Variants in LRRC9 observed in about 807,000 individuals in gnomAD.
LRRC9 encodes leucine-rich repeat-containing protein 9.
A neutral mutation model predicts 63.2 loss-of-function variants in LRRC9; 122 were observed. The observed-to-expected ratio is 1.93, with a 90% confidence interval of 1.67 to 2.24. LRRC9 has a LOEUF of 2.24. Ranked by LOEUF, LRRC9 falls within the 30% of genes most tolerant of loss-of-function variation. The pLI, the probability that LRRC9 is intolerant of heterozygous loss-of-function variation, is 0.00. For missense variants in LRRC9, 1,071 were observed against 627.7 expected, an observed-to-expected ratio of 1.71 and a Z score of -7.55; for synonymous variants, 366 against 213.1, an observed-to-expected ratio of 1.72 and a Z score of -6.25.
rs1348145247 is a variant in LRRC9 at position 60,005,351 on chromosome 14, T to C, written c.2843-1046T>C. Among the ~76,000 whole-genome samples, 3 of 152,074 alleles carry C rather than the reference T, an allele frequency of 2.0e-5. No individual in the cohort carries two copies. In the East Asian group the frequency reaches 5.8e-4, roughly 29 times the overall value. ...CCATTCCCATACAACTGGATATTAGTTTTGCTTTGTACATACAATTAAAAA... is the reference window on the plus strand; with the variant it reads ...CCATTCCCATACAACTGGATATTAGCTTTGCTTTGTACATACAATTAAAAA... On this transcript the variant is annotated intron_variant, in intron 21 of 31. Coordinates refer to ENST00000445360, the Ensembl canonical transcript of LRRC9.
chr14:59,961,253 C>T (rs898482871), intron 10 of LRRC9, among the ~76,000 whole-genome samples: 8 of 152,120 alleles, frequency 5.3e-5, no homozygotes, highest in Non-Finnish European at 7.4e-5. Context: ...ATGCCATTAC[C>T]GTGAGCCAAC....
Position 60,058,144 on chromosome 14 carries a change from G to A in LRRC9, c.4276+122G>A. On this transcript the variant is annotated intron_variant, in intron 31 of 31. Coordinates refer to ENST00000445360, the Ensembl canonical transcript of LRRC9. The surrounding 1 kb of genome is among the most constrained non-coding windows in gnomAD (Gnocchi z 4.4). ...TAACTTACATTTCCTAAAATTGCAT[G>A]TTTGCTCAAGTTTCCTATGGCCATT... 1 of 457,532 alleles carries A rather than the reference G, an allele frequency of 2.2e-6. No homozygotes were observed. The highest frequency in any genetic ancestry group is 3.9e-6 in the Non-Finnish European group (1 of 253,514). 28.3% of individuals were successfully genotyped at this position (457,532 alleles called of 1,614,324 possible). A position where few individuals can be genotyped will look rare whatever the true frequency, so the allele number is the denominator to read the frequency against.
At position 60,058,042 on chromosome 14, in the gene LRRC9, T is replaced by A. The variant is rs755076507; in HGVS notation, c.4276+20T>A. 2 of 577,032 alleles carry A rather than the reference T, an allele frequency of 3.5e-6. No homozygotes were observed. The highest frequency in any genetic ancestry group is 6.5e-6 in the Non-Finnish European group (2 of 305,578). 35.7% of individuals were successfully genotyped at this position (577,032 alleles called of 1,614,324 possible). On this transcript the variant is annotated intron_variant, in intron 31 of 31. Transcript: ENST00000445360. The surrounding 1 kb of genome is among the most constrained non-coding windows in gnomAD (Gnocchi z 4.4). The stretch of plus-strand genomic sequence containing the variant: ...TTGAAGGTATTTTGACAATTTCAGA[T>A]AGAATGTAAAAGAATCACTTAATTT...
chr14:59,997,107 T>C (rs898762753), intron 17 of LRRC9, among the ~76,000 whole-genome samples: 2 of 152,084 alleles, frequency 1.3e-5, no homozygotes, highest in Non-Finnish European at 2.9e-5. Flanking sequence ...TTCTGAGCAA[T>C]AGGATTATAT....
At chr14:60,036,032 A>G (rs952423870) in intron 29 of LRRC9, among the ~76,000 whole-genome samples, 4 of 152,064 alleles carry the variant, frequency 2.6e-5, no homozygotes, top group Non-Finnish European at 2.9e-5. Context: ...TGGCTTGCAG[A>G]TAGTTGTCTT....
Position 59,999,111 on chromosome 14 carries a change from T to C in LRRC9, c.2414T>C (p.Leu805Ser), listed in dbSNP as rs1184794590. 7.4e-6 allele frequency: 5 copies of C among 679,750 alleles called. No homozygotes were observed. The East Asian group carries it at 1.4e-4, about 18-fold the overall frequency. The allele number at this position is 679,750 out of a possible 1,614,324, so 42.1% of individuals were successfully genotyped here. Residue 805 changes from leucine to serine, a missense_variant, in exon 19 of 32, where the codon TTG (leucine) becomes TCG (serine). Coordinates refer to ENST00000445360, the Ensembl canonical transcript of LRRC9. ...TTTGTTTTTCCCAAGCCAGCCACAT[T>C]GAGGCTGAGTGTTATTGGCAGATTA...
intron 12 of LRRC9, among the ~76,000 whole-genome samples, chr14:59,973,167 A>G (rs1885719424): frequency 6.6e-6 from 1 of 152,068 alleles, no homozygotes; most frequent in South Asian, 2.1e-4. Context: ...ATTATGTCCA[A>G]TCTTCAAAGC....
At position 60,007,443 on chromosome 14, in the gene LRRC9, C is replaced by A. The variant is rs75132721; in HGVS notation, c.3064-649C>A. 5.7e-3 allele frequency among the ~76,000 whole-genome samples: 863 copies of A among 152,324 alleles called. 11 individuals carry two copies. The highest frequency in any genetic ancestry group is 0.02 in the African/African-American group (843 of 41,572). On this transcript the variant is annotated intron_variant, in intron 22 of 31. Coordinates refer to ENST00000445360, the Ensembl canonical transcript of LRRC9. ...CCCTTCCTTCACAACAAAGGCATAT[C>A]AAAGTGTCTTGTCTAATAAAACAGC...
Position 59,929,818 on chromosome 14 carries a change from C to T in LRRC9, c.268-1100C>T, listed in dbSNP as rs557295280. ...AGGCCATTGTCCTTAGCAAACTAACCCAGGAACAGAAAAGCAAATACCACC... is the reference window on the plus strand; with the variant it reads ...AGGCCATTGTCCTTAGCAAACTAACTCAGGAACAGAAAAGCAAATACCACC... On this transcript the variant is annotated intron_variant, in intron 3 of 31. Coordinates refer to ENST00000445360, the Ensembl canonical transcript of LRRC9. Among the ~76,000 whole-genome samples, 10 of 151,954 alleles carry T rather than the reference C, an allele frequency of 6.6e-5. No individual in the cohort carries two copies. The South Asian group carries it at 2.1e-3, about 32-fold the overall frequency.
chr14:60,038,448 G>A (rs1243355365), intron 29 of LRRC9, among the ~76,000 whole-genome samples: 1 of 152,156 alleles, frequency 6.6e-6, no homozygotes, highest in Non-Finnish European at 1.5e-5. Context: ...TCTTTTAGCA[G>A]TGGTTTGTAG....
chr14:60,057,791 G>A, intron 30 of LRRC9, 87 bp from the exon 31 acceptor site: 1 of 456,022 alleles, frequency 2.2e-6, no homozygotes, highest in South Asian at 5.4e-5. Flanking sequence ...AATGTTGATT[G>A]TCTACTCAGA....
At chr14:59,945,208 C>A (rs1396326785) in intron 8 of LRRC9, among the ~76,000 whole-genome samples, 1 of 150,322 alleles carries the variant, frequency 6.7e-6, no homozygotes, top group Non-Finnish European at 1.5e-5. Context: ...AACTTTAAAT[C>A]AAGCTATATG....
Position 60,057,985 on chromosome 14 carries a change from C to A in LRRC9, c.4239C>A (p.Tyr1413Ter). The change falls in exon 31 of 32, where the codon TAC becomes TAA. Residue 1413 changes from tyrosine to a stop codon, truncating the protein, a stop_gained. Coordinates refer to ENST00000445360, the Ensembl canonical transcript of LRRC9. LOFTEE classifies it high-confidence loss of function. ...TTCTGCCTAGTGGATTCAGCCATTA[C>A]TTGGGATCTGACGTCACTTTAACTC... is the stretch of plus-strand genomic sequence containing the variant. 1.5e-6 allele frequency: 1 copy of A among 669,312 alleles called. No homozygotes were observed. 41.5% of individuals were successfully genotyped at this position (669,312 alleles called of 1,614,324 possible).
intron 12 of LRRC9, among the ~76,000 whole-genome samples, chr14:59,974,254 T>G (rs896120687): frequency 6.6e-5 from 10 of 152,108 alleles, no homozygotes; most frequent in African/African-American, 2.4e-4. Context: ...TTTTTGGAGT[T>G]AGCAAGATTA....
intron 12 of LRRC9, among the ~76,000 whole-genome samples, chr14:59,970,533 T>G (rs1885369008): frequency 6.6e-6 from 1 of 152,198 alleles, no homozygotes; most frequent in Admixed American, 6.5e-5. Context: ...GTTGAACCAA[T>G]TTACACTTCC....
In LRRC9 at chr14:59,978,203, T is replaced by C. The variant is rs145459791; in HGVS notation, c.1878+71T>C. 123 of 675,932 alleles carry C rather than the reference T, an allele frequency of 1.8e-4. No homozygotes were observed. In the Admixed American group the frequency reaches 2.5e-3, roughly 14 times the overall value. The allele number at this position is 675,932 out of a possible 1,614,324, so 41.9% of individuals were successfully genotyped here. A position where few individuals can be genotyped will look rare whatever the true frequency, so the allele number is the denominator to read the frequency against. ...ATGGGAACAAAGTAGTAATTTGAAG[T>C]CGAATAATGCTATGTCAAGTTTATA... is the stretch of plus-strand genomic sequence containing the variant. On this transcript the variant is annotated intron_variant, in intron 15 of 31. Coordinates refer to ENST00000445360, the Ensembl canonical transcript of LRRC9.
At chr14:60,055,682 C>T (rs577490480) in intron 30 of LRRC9, among the ~76,000 whole-genome samples, 112 of 150,830 alleles carry the variant, frequency 7.4e-4, no homozygotes, top group Non-Finnish European at 1.1e-3. Context: ...CACTTGAGCC[C>T]ACGAGTTGGA....
At chr14:60,026,830 A>G (rs995447517) in intron 27 of LRRC9, among the ~76,000 whole-genome samples, 2 of 151,950 alleles carry the variant, frequency 1.3e-5, no homozygotes, top group East Asian at 3.9e-4. Flanking sequence ...TTTATTTCTG[A>G]GTTCTCTATT....
chr14:60,059,304 A>G (rs750435340), intron 31 of LRRC9, among the ~76,000 whole-genome samples: 3 of 152,110 alleles, frequency 2.0e-5, no homozygotes, highest in Non-Finnish European at 2.9e-5. Flanking sequence ...CTTTTTCATT[A>G]TTATTATATT....
Sources: gnomAD v4.1 joint callset for allele counts (sites outside exome capture counted in the v4.1 genomes callset) on GRCh38, gnomAD v4.1.1 for gene constraint, Gnocchi (gnomAD v3.1) non-coding constraint, MANE v1.5 for transcripts, NCBI Gene and HGNC (gene_info 2026-07-23, HGNC 2026-07-21) for gene names.